Variants in PALMD observed in about 807,000 individuals in gnomAD.
PALMD encodes the protein palmdelphin.
PALMD carries 42 observed loss-of-function variants against 56.2 expected under a neutral mutation model. The observed-to-expected ratio is 0.75, with a 90% CI of 0.58 to 0.97. The LOEUF (loss-of-function observed/expected upper bound fraction) is 0.97. Ranked by LOEUF, PALMD falls within the 50% of genes least tolerant of loss-of-function variation. The probability of loss-of-function intolerance (pLI) is 0.00; values close to 1 mark genes in which losing one functional copy is unlikely to be tolerated. For synonymous variants in PALMD, 242 were observed against 222.9 expected, an observed-to-expected ratio of 1.09 and a Z score of -0.76; for missense variants, 660 against 643.8, an observed-to-expected ratio of 1.03 and a Z score of -0.27.
intron 3 of PALMD, chr1:99,686,162 T>C (rs1352294793): frequency 6.6e-6 from 1 of 152,132 alleles, no homozygotes; most frequent in Non-Finnish European, 1.5e-5. Context: ...TGAAATTAAA[T>C]CAAAGTGTCA....
Position 99,687,124 on chromosome 1 carries a change from A to G in PALMD, c.449A>G (p.Tyr150Cys). ...AATATCCCTGACCTTCCAAAGTCCT[A>G]CATACCTTCTAGGTTAAGGAAGGAG... ...YANIPDLPKS[Y>C]IPSRLRKEIN... Residue 150 changes from tyrosine (Y) to cysteine (C), a missense_variant, in exon 6 of 8, where the codon TAC becomes TGC. By Grantham distance (194) the Tyr-to-Cys change is radical. Coordinates refer to ENST00000263174, the MANE Select transcript of PALMD (RefSeq NM_017734.5). 2 of 1,605,170 alleles carry G rather than the reference A, an allele frequency of 1.2e-6. No homozygotes were observed. Among genetic ancestry groups the G allele is most frequent in the Non-Finnish European group, 1.7e-6 (2 of 1,172,458 alleles).
In PALMD at chr1:99,689,064, G is replaced by T. The variant is rs1314139713; in HGVS notation, c.804G>T (p.Arg268Ser). The T allele has an allele frequency of 3.1e-6, 5 of 1,613,602 alleles. No individual in the cohort carries two copies. Among genetic ancestry groups the T allele is most frequent in the Non-Finnish European group, 4.2e-6 (5 of 1,179,766 alleles). ...CTGTATATGCCAATCCCTTTTACAG[G>T]CCTACAACCCCACAGAGAGAAACGG... Reference protein sequence around the residue: ...HEPVYANPFYRPTTPQRETVT... With the variant: ...HEPVYANPFYSPTTPQRETVT... The change falls in exon 7 of 8, where the codon AGG becomes AGT. Residue 268 changes from arginine to serine, a missense_variant. Transcript: ENST00000263174.
At chr1:99,686,425 A>C (rs762424612) in intron 3 of PALMD, 2 of 256,962 alleles carry the variant, frequency 7.8e-6, no homozygotes, top group Non-Finnish European at 1.5e-5. Flanking sequence ...AGCAAAGGTC[A>C]AATGCTTTAC....
chr1:99,689,644 T>C lies in PALMD; in HGVS notation c.1384T>C (p.Ser462Pro), dbSNP rs1653610284. 1 of 1,613,518 alleles carries C rather than the reference T, an allele frequency of 6.2e-7. No homozygotes were observed. ...EEDEGEAEKP[S>P]YHPIAPHSQV... The stretch of plus-strand genomic sequence containing the variant: ...GGATGAAGGAGAAGCAGAGAAACCG[T>C]CCTACCACCCCATAGCTCCCCATAG... The change falls in exon 7 of 8, where the codon TCC (serine) becomes CCC (proline). Residue 462 changes from serine to proline, a missense_variant. Coordinates refer to ENST00000263174, the MANE Select transcript of PALMD (RefSeq NM_017734.5).
intron 7 of PALMD, 31 bp downstream of exon 7, chr1:99,689,903 G>C (rs1481137417): frequency 6.4e-7 from 1 of 1,551,378 alleles, no homozygotes; most frequent in South Asian, 1.2e-5. Flanking sequence ...TGCCACTGCT[G>C]TTCAGTCATG....
intron 3 of PALMD, among the ~76,000 whole-genome samples, chr1:99,681,967 G>A (rs6577122): frequency 4.6e-5 from 7 of 152,098 alleles, no homozygotes; most frequent in Non-Finnish European, 8.8e-5. Flanking sequence ...TGGTGTACAG[G>A]TTGTCAAACC....
intron 3 of PALMD, among the ~76,000 whole-genome samples, chr1:99,679,937 C>T (rs1479055542): frequency 6.6e-6 from 1 of 152,120 alleles, no homozygotes; most frequent in Non-Finnish European, 1.5e-5. Context: ...GTGCCTGGTG[C>T]AATGGAAATA....
At chr1:99,691,099 G>A (rs1257872711) in intron 7 of PALMD, among the ~76,000 whole-genome samples, 1 of 152,098 alleles carries the variant, frequency 6.6e-6, no homozygotes, top group Non-Finnish European at 1.5e-5. Flanking sequence ...TGAGTGATAT[G>A]TCTCACAATG....
chr1:99,649,742 G>A (rs1275532287), intron 1 of PALMD, among the ~76,000 whole-genome samples: 1 of 152,100 alleles, frequency 6.6e-6, no homozygotes, highest in Non-Finnish European at 1.5e-5. Flanking sequence ...TGCTCAAACT[G>A]GAAAATTAGA....
chr1:99,674,999 C>T (rs7527792), intron 3 of PALMD, among the ~76,000 whole-genome samples: 3,780 of 152,312 alleles, frequency 0.025, 145 homozygotes, highest in African/African-American at 0.087. Context: ...CACCCCCTTG[C>T]GATGCATCTT....
At chr1:99,651,251 T>A (rs1652576982) in intron 1 of PALMD, among the ~76,000 whole-genome samples, 1 of 152,198 alleles carries the variant, frequency 6.6e-6, no homozygotes, top group Non-Finnish European at 1.5e-5. Flanking sequence ...TTGCCAAACA[T>A]AACAGCCCAC....
At chr1:99,672,531 C>T (rs1331142284) in intron 3 of PALMD, among the ~76,000 whole-genome samples, 3 of 152,148 alleles carry the variant, frequency 2.0e-5, no homozygotes, top group South Asian at 2.1e-4. Context: ...AGCCCACACC[C>T]AAAATGACAC....
chr1:99,692,781 T>TTGCCTTC (rs951859320), intron 7 of PALMD, among the ~76,000 whole-genome samples: 10 of 152,350 alleles, frequency 6.6e-5, no homozygotes, highest in South Asian at 4.1e-4. Context: ...TCATAAAGAC[T>TTGCCTTC]TGCCTTCTGC....
intron 3 of PALMD, among the ~76,000 whole-genome samples, chr1:99,679,412 G>T (rs17120887): frequency 0.013 from 1,971 of 152,058 alleles, 41 homozygotes; most frequent in African/African-American, 0.044. Context: ...GAAGGAGACC[G>T]TTCTAAGAAC....
At chr1:99,648,790 A>T (rs1226917905) in intron 1 of PALMD, among the ~76,000 whole-genome samples, 1 of 152,076 alleles carries the variant, frequency 6.6e-6, no homozygotes, top group Non-Finnish European at 1.5e-5. Context: ...AAGTGCCTAA[A>T]AAGTCATTAT....
chr1:99,664,895 A>G (rs1652925626), intron 2 of PALMD, among the ~76,000 whole-genome samples: 2 of 152,220 alleles, frequency 1.3e-5, no homozygotes, highest in South Asian at 4.1e-4. Flanking sequence ...CAGAATACAC[A>G]CATTTCAAAA....
intron 3 of PALMD, among the ~76,000 whole-genome samples, chr1:99,676,344 C>T (rs1210491588): frequency 6.6e-6 from 1 of 152,086 alleles, no homozygotes; most frequent in African/African-American, 2.4e-5. Context: ...TTTGTTCTCA[C>T]CTACTGTCTA....
intron 2 of PALMD, 23 bp from the exon 3 acceptor site, chr1:99,667,619 A>G (rs767752217): frequency 8.7e-6 from 14 of 1,606,328 alleles, no homozygotes; most frequent in Admixed American, 3.3e-5. Flanking sequence ...ATAAGAACAT[A>G]TCTTTATGTT....
intron 1 of PALMD, among the ~76,000 whole-genome samples, chr1:99,651,949 C>T (rs1375876655): frequency 6.6e-6 from 1 of 152,226 alleles, no homozygotes; most frequent in Non-Finnish European, 1.5e-5. Flanking sequence ...TGGGCTACAA[C>T]AGCTATTCCT....
Sources: gnomAD v4.1 joint callset for allele counts (sites outside exome capture counted in the v4.1 genomes callset) on GRCh38, gnomAD v4.1.1 for gene constraint, MANE v1.5 for transcripts, NCBI Gene and HGNC (gene_info 2026-07-23, HGNC 2026-07-21) for gene names.